The following PEPD variants were observed in gnomAD, a reference collection of about 807,000 sequenced individuals.
PEPD encodes peptidase D.
In PEPD, 53 loss-of-function variants were observed where a neutral mutation model predicts 60.7. That is an observed-to-expected ratio of 0.87 (90% CI 0.70 to 1.10). The LOEUF is 1.10. Among genes scored for constraint, PEPD ranks in the 50% least tolerant of loss-of-function variants. The probability of loss-of-function intolerance (pLI) is 0.00; values close to 1 mark genes in which losing one functional copy is unlikely to be tolerated. For synonymous variants in PEPD, 267 were observed against 284.1 expected, an observed-to-expected ratio of 0.94 and a Z score of 0.60; for missense variants, 711 against 711.9, an observed-to-expected ratio of 1.00 and a Z score of 0.01.
chr19:33,508,442 G>A (rs796118902), intron 3 of PEPD, among the ~76,000 whole-genome samples: 160 of 152,344 alleles, frequency 1.1e-3, no homozygotes, highest in African/African-American at 3.7e-3. Context: ...GGGAATAAAC[G>A]ACTCCAACAC....
intron 9 of PEPD, among the ~76,000 whole-genome samples, chr19:33,438,337 C>G (rs1267323750): frequency 6.6e-6 from 1 of 152,238 alleles, no homozygotes; most frequent in Non-Finnish European, 1.5e-5. Flanking sequence ...GGGCCCCAGA[C>G]CAACACAGCT....
chr19:33,433,085 C>T (rs940167284), intron 9 of PEPD, among the ~76,000 whole-genome samples: 1 of 152,218 alleles, frequency 6.6e-6, no homozygotes, highest in Admixed American at 6.5e-5. Flanking sequence ...CCCCAGGGCC[C>T]CAGGAGCTAC....
intron 6 of PEPD, among the ~76,000 whole-genome samples, chr19:33,480,836 G>GTA (rs143550340): frequency 0.09 from 11,230 of 125,286 alleles, 1,371 homozygotes; most frequent in African/African-American, 0.29. Flanking sequence ...GTGTGTGTGT[G>GTA]TGTGTATATC....
intron 7 of PEPD, among the ~76,000 whole-genome samples, chr19:33,466,721 C>G (rs1343126754): frequency 1.3e-5 from 2 of 148,836 alleles, no homozygotes; most frequent in Non-Finnish European, 3.0e-5. Flanking sequence ...TTCTAACTTT[C>G]AGCAATGCAT....
At chr19:33,498,871 C>A (rs1462274068) in intron 4 of PEPD, among the ~76,000 whole-genome samples, 1 of 152,058 alleles carries the variant, frequency 6.6e-6, no homozygotes, top group African/African-American at 2.4e-5. Flanking sequence ...GAGACAGGGT[C>A]CTGGAGGCAG....
chr19:33,387,185 TC>T lies in PEPD; in HGVS notation c.*158del, dbSNP rs1968089769. The T allele has an allele frequency of 5.0e-6, 4 of 792,434 alleles. No homozygotes were observed. The highest frequency in any genetic ancestry group is 6.1e-6 in the Non-Finnish European group (3 of 490,956). 49.1% of individuals were successfully genotyped at this position (792,434 alleles called of 1,614,324 possible). ...AAAGGGTAATTAAAAAAGTGTTTCCTCCCCGGGAAACAGCACTGTTTGGTCT... is the reference window on the plus strand; with the variant it reads ...AAAGGGTAATTAAAAAAGTGTTTCCTCCCGGGAAACAGCACTGTTTGGTCT... On this transcript the variant is annotated 3_prime_UTR_variant, in exon 15 of 15. Coordinates refer to ENST00000244137, the MANE Select transcript of PEPD (RefSeq NM_000285.4).
At chr19:33,516,197 C>A (rs953338711) in intron 1 of PEPD, among the ~76,000 whole-genome samples, 5 of 152,058 alleles carry the variant, frequency 3.3e-5, no homozygotes, top group African/African-American at 9.7e-5. Flanking sequence ...TAAACCAAGC[C>A]CCCAGAGAGA....
chr19:33,449,426 C>T (rs1241539520), intron 9 of PEPD, among the ~76,000 whole-genome samples: 2 of 152,162 alleles, frequency 1.3e-5, no homozygotes, highest in East Asian at 3.9e-4. Flanking sequence ...GATCCACCAG[C>T]CCATGTTTTC....
chr19:33,478,070 A>G lies in PEPD; in HGVS notation c.524T>C (p.Ile175Thr), dbSNP rs1257045393. The G allele has an allele frequency of 2.5e-6, 4 of 1,611,470 alleles. No individual in the cohort carries two copies. Among genetic ancestry groups the G allele is most frequent in the Non-Finnish European group, 3.4e-6 (4 of 1,178,266 alleles). ...CCACTCAACGATCTCTGGGTGAAGAATGGTATTGTTGACTTCGAACCTGTA... is the reference window on the plus strand; with the variant it reads ...CCACTCAACGATCTCTGGGTGAAGAGTGGTATTGTTGACTTCGAACCTGTA... ...GISKFEVNNTILHPEIVECRV... is the reference protein window; with the variant it reads ...GISKFEVNNTTLHPEIVECRV... The change falls in exon 7 of 15, where the codon ATT becomes ACT. Residue 175 changes from isoleucine (I) to threonine (T), a missense_variant. Transcript: ENST00000244137.
rs1324471532 is a variant in PEPD, at chr19:33,413,649, G to A, written c.672-6C>T. ...AGCAGTAGTGCTCGAAGAGGCTGCAGGGGGAGAGACGCGTCAGGGTTGGGG... is the reference window on the plus strand; with the variant it reads ...AGCAGTAGTGCTCGAAGAGGCTGCAAGGGGAGAGACGCGTCAGGGTTGGGG... On this transcript the variant is annotated splice_polypyrimidine_tract_variant and splice_region_variant and intron_variant, in intron 9 of 14. Coordinates refer to ENST00000244137, the MANE Select transcript of PEPD (RefSeq NM_000285.4). 5 of 1,570,612 alleles carry A rather than the reference G, an allele frequency of 3.2e-6. No individual in the cohort carries two copies. The highest frequency in any genetic ancestry group is 2.3e-5 in the South Asian group (2 of 86,124).
chr19:33,450,645 A>G (rs972973790), intron 9 of PEPD, among the ~76,000 whole-genome samples: 1 of 152,260 alleles, frequency 6.6e-6, no homozygotes, highest in Non-Finnish European at 1.5e-5. Context: ...GGATTGAGTG[A>G]GACAGTGCTC....
chr19:33,512,501 G>A, intron 2 of PEPD, 92 bp downstream of exon 2: 1 of 1,227,396 alleles, frequency 8.1e-7, no homozygotes, highest in Non-Finnish European at 1.2e-6. Flanking sequence ...GCCACAAGGG[G>A]CAGCACTGGC....
Position 33,463,986 on chromosome 19 carries a change from C to A in PEPD, c.624+1G>T, listed in dbSNP as rs1299275249. ...TCAACCAGAGCCGGTGCCTGACTTACCTCACGGTGGGCCTCGCTGGAGATT... is the reference window on the plus strand; with the variant it reads ...TCAACCAGAGCCGGTGCCTGACTTAACTCACGGTGGGCCTCGCTGGAGATT... On this transcript the variant is annotated splice_donor_variant, in intron 8 of 14. Transcript: ENST00000244137. LOFTEE classifies it high-confidence loss of function. 1 of 1,605,508 alleles carries A rather than the reference C, an allele frequency of 6.2e-7. No individual in the cohort carries two copies. The highest frequency in any genetic ancestry group is 2.2e-5 in the East Asian group (1 of 44,806).
At chr19:33,428,239 G>A (rs776049712) in intron 9 of PEPD, among the ~76,000 whole-genome samples, 4 of 152,184 alleles carry the variant, frequency 2.6e-5, no homozygotes, top group Non-Finnish European at 4.4e-5. Context: ...AGGGAGTCAC[G>A]CCCGTGGATG....
chr19:33,425,309 C>T (rs1969120414), intron 9 of PEPD, among the ~76,000 whole-genome samples: 1 of 151,872 alleles, frequency 6.6e-6, no homozygotes, highest in Admixed American at 6.6e-5. Context: ...AACAAACAAA[C>T]AAACAAACAA....
intron 9 of PEPD, among the ~76,000 whole-genome samples, chr19:33,415,705 TAAAG>T (rs1168983214): frequency 6.6e-6 from 1 of 152,110 alleles, no homozygotes; most frequent in African/African-American, 2.4e-5. Context: ...AGCATCAAAC[TAAAG>T]AAAGGCTGAC....
chr19:33,424,655 T>C (rs976186676), intron 9 of PEPD, among the ~76,000 whole-genome samples: 29 of 152,000 alleles, frequency 1.9e-4, no homozygotes, highest in African/African-American at 7.0e-4. Flanking sequence ...GCCTGGACAA[T>C]CTAGTGAGAC....
intron 9 of PEPD, among the ~76,000 whole-genome samples, chr19:33,430,298 T>C (rs1302111407): frequency 6.6e-6 from 1 of 152,176 alleles, no homozygotes; most frequent in Non-Finnish European, 1.5e-5. Context: ...TGCAGGAGTT[T>C]ACCCCAAGGA....
At chr19:33,419,707 T>C (rs1299102844) in intron 9 of PEPD, among the ~76,000 whole-genome samples, 1 of 152,148 alleles carries the variant, frequency 6.6e-6, no homozygotes, top group African/African-American at 2.4e-5. Flanking sequence ...TGGCAGTGGG[T>C]GATGCCATGG....
Sources: allele counts gnomAD v4.1 joint callset (sites outside exome capture counted in the v4.1 genomes callset), GRCh38; gene constraint gnomAD v4.1.1; transcripts MANE v1.5; gene names NCBI Gene and HGNC (gene_info 2026-07-23, HGNC 2026-07-21).